DEPTOR: variants seen among roughly 807,000 people sequenced by gnomAD.
DEPTOR encodes the protein DEP domain-containing mTOR-interacting protein.
Under a neutral mutation model 41.6 loss-of-function variants are expected in DEPTOR, and 41 were observed. The observed-to-expected ratio is 0.98, with a 90% CI of 0.77 to 1.28. The LOEUF (loss-of-function observed/expected upper bound fraction) is 1.28, where lower values mean the gene tolerates loss of function less well. DEPTOR is among the 50% of genes most tolerant of loss of function. The pLI, the probability that DEPTOR is intolerant of heterozygous loss-of-function variation, is 0.00. For missense variants in DEPTOR, 514 were observed against 527.9 expected, an observed-to-expected ratio of 0.97 and a Z score of 0.26; for synonymous variants, 195 against 192.3, an observed-to-expected ratio of 1.01 and a Z score of -0.12.
chr8:120,013,668 G>A (rs1024263148), intron 8 of DEPTOR, among the ~76,000 whole-genome samples: 3 of 152,146 alleles, frequency 2.0e-5, no homozygotes, highest in Non-Finnish European at 4.4e-5. Context: ...ACTGTCCAGA[G>A]CTGACCTAGG....
At chr8:119,914,392 G>A (rs575622222) in intron 1 of DEPTOR, among the ~76,000 whole-genome samples, 9 of 151,892 alleles carry the variant, frequency 5.9e-5, no homozygotes, top group African/African-American at 2.2e-4. Flanking sequence ...CCAACCCCCT[G>A]CGTTTGCAAA....
chr8:119,981,353 A>G (rs1422536306), intron 4 of DEPTOR, among the ~76,000 whole-genome samples: 6 of 152,094 alleles, frequency 3.9e-5, no homozygotes, highest in African/African-American at 1.4e-4. Context: ...ATTTTTTAAT[A>G]TTTCCAGAAG....
chr8:119,989,628 A>C (rs1812118748), intron 4 of DEPTOR, among the ~76,000 whole-genome samples: 1 of 152,256 alleles, frequency 6.6e-6, no homozygotes, highest in African/African-American at 2.4e-5. Flanking sequence ...ATGGGAATAT[A>C]ATAACTCTCT....
rs1047218213 is a variant in DEPTOR at position 119,970,699 on chromosome 8, C to T, written c.604+5289C>T. Among the ~76,000 whole-genome samples the T allele has an allele frequency of 4.6e-5, 7 of 152,128 alleles. No homozygotes were observed. In the East Asian group the frequency reaches 7.7e-4, roughly 17 times the overall value. On this transcript the variant is annotated intron_variant, in intron 4 of 8. Coordinates refer to ENST00000286234, the MANE Select transcript of DEPTOR (RefSeq NM_022783.4). ...TTCAGTGTGTACTAGAAGGGTTCAA[C>T]GTGTAGTTGTGTTCGTGGCTAAGAT... is the stretch of plus-strand genomic sequence containing the variant.
intron 3 of DEPTOR, among the ~76,000 whole-genome samples, chr8:119,940,413 G>A (rs998919756): frequency 1.3e-5 from 2 of 152,050 alleles, no homozygotes; most frequent in Non-Finnish European, 2.9e-5. Context: ...TAAACAAAAT[G>A]TGATAGCCAC....
At chr8:119,887,410 T>C (rs1251980700) in intron 1 of DEPTOR, among the ~76,000 whole-genome samples, 1 of 160 alleles carries the variant, frequency 6.3e-3, no homozygotes, top group Non-Finnish European at 0.011. Context: ...CCTATCCCCA[T>C]CCCCTCCCCC....
chr8:119,895,796 A>T (rs890896173), intron 1 of DEPTOR, among the ~76,000 whole-genome samples: 3 of 152,160 alleles, frequency 2.0e-5, no homozygotes, highest in African/African-American at 7.2e-5. Context: ...TCATATATCC[A>T]GGGGTTCCTG....
intron 8 of DEPTOR, among the ~76,000 whole-genome samples, chr8:120,042,873 A>G (rs1813098424): frequency 1.3e-5 from 2 of 151,502 alleles, no homozygotes; most frequent in South Asian, 4.2e-4. Flanking sequence ...TTATCGAGGC[A>G]GAGTGTCACT....
Position 119,964,309 on chromosome 8 carries a change from G to A in DEPTOR, c.426-923G>A, listed in dbSNP as rs1007386632. Among the ~76,000 whole-genome samples the A allele has an allele frequency of 4.1e-4, 62 of 152,086 alleles. 1 individual carries two copies. The highest frequency in any genetic ancestry group is 1.0e-4 in the Non-Finnish European group (7 of 68,020). ...AGATGGGCGGATCACGAGGTCAGGA[G>A]TTCGAGACCAGCCTGGACAATATGG... is the stretch of plus-strand genomic sequence containing the variant. On this transcript the variant is annotated intron_variant, in intron 3 of 8. Coordinates refer to ENST00000286234, the MANE Select transcript of DEPTOR (RefSeq NM_022783.4).
rs894374980 is a variant in DEPTOR, at chr8:119,882,398, T to G, written c.122+8430T>G. Among the ~76,000 whole-genome samples the G allele has an allele frequency of 2.6e-5, 4 of 151,930 alleles. No individual in the cohort carries two copies. The East Asian group carries it at 7.7e-4, about 29-fold the overall frequency. ...TTGTTTTATATCTTTTTTTATTATT[T>G]ATTTTTATTTTTATTTTTTTAGACA... is the stretch of plus-strand genomic sequence containing the variant. On this transcript the variant is annotated intron_variant, in intron 1 of 8. Coordinates refer to ENST00000286234, the MANE Select transcript of DEPTOR (RefSeq NM_022783.4).
intron 4 of DEPTOR, among the ~76,000 whole-genome samples, chr8:119,972,779 C>A (rs1828650289): frequency 6.6e-6 from 1 of 152,090 alleles, no homozygotes; most frequent in Admixed American, 6.6e-5. Context: ...GAAAAAAATT[C>A]TCAAGTTCTA....
Position 119,873,955 on chromosome 8 carries a change from G to A in DEPTOR, c.109G>A (p.Gly37Arg), listed in dbSNP as rs550242889. The change falls in exon 1 of 9, where the codon GGG becomes AGG. Residue 37 changes from glycine to arginine, a missense_variant. Coordinates refer to ENST00000286234, the MANE Select transcript of DEPTOR (RefSeq NM_022783.4). The part of the protein sequence containing the change: ...LERMAEVLVT[G>R]EQLRLRLHEE... The stretch of plus-strand genomic sequence containing the variant: ...GCGCATGGCTGAGGTCTTGGTCACC[G>A]GGGAACAGCTACGGTAAGGCAAGAG... 1 of 1,613,536 alleles carries A rather than the reference G, an allele frequency of 6.2e-7. No homozygotes were observed. The highest frequency in any genetic ancestry group is 2.2e-5 in the East Asian group (1 of 44,786).
chr8:119,929,871 G>A lies in DEPTOR; in HGVS notation c.358G>A (p.Asp120Asn), dbSNP rs776301095. The A allele has an allele frequency of 6.2e-6, 10 of 1,613,936 alleles. No individual in the cohort carries two copies. The highest frequency in any genetic ancestry group is 8.5e-6 in the Non-Finnish European group (10 of 1,179,888). Residue 120 changes from aspartate (D) to asparagine (N), a missense_variant, in exon 3 of 9, where the codon GAT becomes AAT. Transcript: ENST00000286234. ...CAAACTCTTCTACCGCTTTAGAAAG[G>A]ATGACGGCACCTTCCCATTGGATAA... ...DVKLFYRFRK[D>N]DGTFPLDNEV...
At chr8:119,991,014 T>C (rs192945775) in intron 4 of DEPTOR, among the ~76,000 whole-genome samples, 79 of 132,412 alleles carry the variant, frequency 6.0e-4, no homozygotes, top group Non-Finnish European at 1.1e-3. Flanking sequence ...TGGCCTTAAG[T>C]ACAGCTCGGG....
At chr8:119,906,931 G>A (rs748479959) in intron 1 of DEPTOR, among the ~76,000 whole-genome samples, 6 of 152,182 alleles carry the variant, frequency 3.9e-5, no homozygotes, top group Non-Finnish European at 8.8e-5. Flanking sequence ...CCTGTGGTGA[G>A]TGATTAATAA....
chr8:119,926,101 A>T (rs1827960652), intron 1 of DEPTOR, among the ~76,000 whole-genome samples: 1 of 152,092 alleles, frequency 6.6e-6, no homozygotes, highest in South Asian at 2.1e-4. Flanking sequence ...CTGTTTTTTT[A>T]AAAAATTATT....
At chr8:120,034,562 C>G (rs903178254) in intron 8 of DEPTOR, among the ~76,000 whole-genome samples, 1 of 150,150 alleles carries the variant, frequency 6.7e-6, no homozygotes, top group African/African-American at 2.5e-5. Context: ...ATTCTCCTTC[C>G]TCAGCCTCCC....
At chr8:119,941,534 G>A (rs1399201432) in intron 3 of DEPTOR, among the ~76,000 whole-genome samples, 1 of 152,168 alleles carries the variant, frequency 6.6e-6, no homozygotes, top group Non-Finnish European at 1.5e-5. Context: ...GCAAGCAAGA[G>A]AAAGCCAAAA....
chr8:119,931,463 C>T (rs1203837508), intron 3 of DEPTOR, among the ~76,000 whole-genome samples: 4 of 152,154 alleles, frequency 2.6e-5, no homozygotes, highest in Non-Finnish European at 5.9e-5. Flanking sequence ...GTGTCAAGTG[C>T]TTAAGTATTT....
Sources: gnomAD v4.1 joint callset for allele counts (sites outside exome capture counted in the v4.1 genomes callset) on GRCh38, gnomAD v4.1.1 for gene constraint, MANE v1.5 for transcripts, NCBI Gene and HGNC (gene_info 2026-07-23, HGNC 2026-07-21) for gene names.